The following BEND7 variants were observed in gnomAD, a reference collection of about 807,000 sequenced individuals.
BEND7 encodes the protein BEN domain-containing protein 7.
BEND7 carries 28 observed loss-of-function variants against 50.9 expected under a neutral mutation model. That is an observed-to-expected ratio of 0.55 (90% CI 0.41 to 0.75). The LOEUF (loss-of-function observed/expected upper bound fraction) is 0.75, where lower values mean the gene tolerates loss of function less well. Among genes scored for constraint, BEND7 ranks in the 30% least tolerant of loss-of-function variants. BEND7 has a pLI of 0.00. For synonymous variants in BEND7, 170 were observed against 183.9 expected (o/e 0.92, Z 0.61); for missense variants, 477 against 491.3 (o/e 0.97, Z 0.28).
At chr10:13,464,811 C>T (rs934058392) in intron 6 of BEND7, among the ~76,000 whole-genome samples, 7 of 152,178 alleles carry the variant, frequency 4.6e-5, no homozygotes, top group East Asian at 1.9e-4. Flanking sequence ...GAAATGTCAA[C>T]GCTGACTAGA....
At chr10:13,441,824 A>C in intron 8 of BEND7, 74 bp from the exon 9 acceptor site, 1 of 1,454,498 alleles carries the variant, frequency 6.9e-7, no homozygotes, top group Admixed American at 1.8e-5. Context: ...GCTAACAAAA[A>C]GGTATGATGG....
chr10:13,502,863 C>T lies in BEND7; in HGVS notation c.146-2783G>A, dbSNP rs185343327. On this transcript the variant is annotated intron_variant, in intron 2 of 8. Coordinates refer to ENST00000466271, the MANE Select transcript of BEND7 (RefSeq NM_001369863.1). ...GGCCACATGGGGCAGATACCCACCC[C>T]GGCTCTCAAGTCCATGCCAGCTTGC... The T allele has an allele frequency of 1.1e-4, 113 of 983,430 alleles. No homozygotes were observed. In the African/African-American group the frequency reaches 1.8e-3, roughly 15 times the overall value. 60.9% of individuals were successfully genotyped at this position (983,430 alleles called of 1,614,324 possible). A position where few individuals can be genotyped will look rare whatever the true frequency, so the allele number is the denominator to read the frequency against.
chr10:13,477,167 C>G (rs1454530875), intron 6 of BEND7, among the ~76,000 whole-genome samples: 1 of 152,022 alleles, frequency 6.6e-6, no homozygotes, highest in Admixed American at 6.6e-5. Context: ...GTTTTAACCA[C>G]TCTAATAATC....
intron 5 of BEND7, among the ~76,000 whole-genome samples, chr10:13,488,044 G>A (rs2076363933): frequency 7.0e-6 from 1 of 141,870 alleles, no homozygotes; most frequent in African/African-American, 2.7e-5. Context: ...TCATGCCACT[G>A]CACTCCAGCC....
chr10:13,492,265 G>A (rs1411411716), intron 5 of BEND7, among the ~76,000 whole-genome samples: 1 of 152,022 alleles, frequency 6.6e-6, no homozygotes. Flanking sequence ...GTTCATTTAT[G>A]CCCATCTACA....
intron 8 of BEND7, chr10:13,443,537 A>G (rs1835675641): frequency 6.6e-6 from 1 of 152,478 alleles, no homozygotes; most frequent in African/African-American, 2.4e-5. Flanking sequence ...TGTGTTTCAC[A>G]CTTAAGTCGC....
intron 5 of BEND7, among the ~76,000 whole-genome samples, chr10:13,486,715 T>G (rs1222587563): frequency 2.0e-5 from 3 of 152,262 alleles, no homozygotes; most frequent in Non-Finnish European, 4.4e-5. Context: ...AAGCATTTAA[T>G]TTTAGAAGAG....
At chr10:13,486,932 C>T (rs2076261724) in intron 5 of BEND7, among the ~76,000 whole-genome samples, 1 of 152,172 alleles carries the variant, frequency 6.6e-6, no homozygotes, top group African/African-American at 2.4e-5. Flanking sequence ...CTCCTAAGGC[C>T]ACTGAAATGG....
At chr10:13,515,982 A>G (rs1341194023) in intron 2 of BEND7, among the ~76,000 whole-genome samples, 1 of 152,232 alleles carries the variant, frequency 6.6e-6, no homozygotes, top group Non-Finnish European at 1.5e-5. Context: ...GCCGCATGGG[A>G]CAAGCCTGCA....
chr10:13,527,568 A>C (rs114658277), intron 1 of BEND7, among the ~76,000 whole-genome samples: 59 of 152,322 alleles, frequency 3.9e-4, no homozygotes, highest in African/African-American at 1.4e-3. Context: ...TTTGGCTTTG[A>C]CCTCAACTTG....
chr10:13,507,974 A>G (rs2078015264), intron 2 of BEND7, among the ~76,000 whole-genome samples: 1 of 152,240 alleles, frequency 6.6e-6, no homozygotes, highest in Non-Finnish European at 1.5e-5. Flanking sequence ...AAAAACTCAT[A>G]GAGGTTGGCA....
chr10:13,446,618 T>A (rs1031613388), intron 8 of BEND7: 1 of 152,918 alleles, frequency 6.5e-6, no homozygotes, highest in East Asian at 1.9e-4. Flanking sequence ...CTCTCAGATA[T>A]GAACCCATAC....
At chr10:13,516,656 T>A (rs1471397750) in intron 2 of BEND7, among the ~76,000 whole-genome samples, 1 of 151,994 alleles carries the variant, frequency 6.6e-6, no homozygotes, top group African/African-American at 2.4e-5. Flanking sequence ...AACCTGGCGG[T>A]GAAGGATGCA....
At chr10:13,513,451 T>A (rs1014674530) in intron 2 of BEND7, among the ~76,000 whole-genome samples, 1 of 152,168 alleles carries the variant, frequency 6.6e-6, no homozygotes, top group Non-Finnish European at 1.5e-5. Context: ...TGTCTAAAAA[T>A]GTTATTTTAT....
intron 2 of BEND7, among the ~76,000 whole-genome samples, chr10:13,512,700 A>C (rs557227097): frequency 6.6e-6 from 1 of 152,204 alleles, no homozygotes; most frequent in South Asian, 2.1e-4. Context: ...TACGATCTGG[A>C]TTATATTTCT....
At chr10:13,447,583 G>A (rs562442729) in intron 7 of BEND7, among the ~76,000 whole-genome samples, 1 of 116,482 alleles carries the variant, frequency 8.6e-6, no homozygotes, top group Non-Finnish European at 1.6e-5. Flanking sequence ...TCGCTCTGTC[G>A]CCCAGGCTGG....
intron 5 of BEND7, among the ~76,000 whole-genome samples, chr10:13,491,691 T>C (rs1225668996): frequency 6.6e-6 from 1 of 152,040 alleles, no homozygotes; most frequent in Non-Finnish European, 1.5e-5. Context: ...AATGTGGATA[T>C]ACCCTAGCAA....
intron 6 of BEND7, among the ~76,000 whole-genome samples, chr10:13,455,116 G>A (rs962983122): frequency 6.6e-6 from 1 of 152,122 alleles, no homozygotes; most frequent in African/African-American, 2.4e-5. Flanking sequence ...AGGTTGCAGT[G>A]AGCCGAGAAC....
chr10:13,504,333 A>G (rs937639562), intron 2 of BEND7, among the ~76,000 whole-genome samples: 4 of 151,906 alleles, frequency 2.6e-5, no homozygotes, highest in Non-Finnish European at 5.9e-5. Flanking sequence ...CTGGTTTCCT[A>G]AATCCTAAAG....
Sources: allele counts gnomAD v4.1 joint callset (sites outside exome capture counted in the v4.1 genomes callset), GRCh38; gene constraint gnomAD v4.1.1; transcripts MANE v1.5; gene names NCBI Gene and HGNC (gene_info 2026-07-23, HGNC 2026-07-21).